The following WDR70 variants were observed in gnomAD, a reference collection of about 807,000 sequenced individuals.
WDR70 encodes the protein WD repeat domain 70, also known as WD repeat-containing protein 70.
In WDR70, 53 loss-of-function variants were observed where a neutral mutation model predicts 88.6. The observed-to-expected ratio is 0.60, with a 90% CI of 0.48 to 0.75. The LOEUF (loss-of-function observed/expected upper bound fraction) is 0.75, where lower values mean the gene tolerates loss of function less well. Ranked by LOEUF, WDR70 falls within the 30% of genes least tolerant of loss-of-function variation. The pLI is 0.00. For missense variants in WDR70, 610 were observed against 823.2 expected, an observed-to-expected ratio of 0.74 and a Z score of 3.17; for synonymous variants, 280 against 270.0, an observed-to-expected ratio of 1.04 and a Z score of -0.36.
intron 14 of WDR70, chr5:37,721,856 T>G (rs1270884158): frequency 6.6e-6 from 1 of 152,276 alleles, no homozygotes; most frequent in Non-Finnish European, 1.5e-5. Context: ...TTCTCTCTCT[T>G]AAAGTACAGT....
At chr5:37,485,903 C>T (rs375458410) in intron 8 of WDR70, among the ~76,000 whole-genome samples, 9 of 132,700 alleles carry the variant, frequency 6.8e-5, no homozygotes, top group Middle Eastern at 5.3e-3. Context: ...TTAGTAGAGA[C>T]GGGGTTTCAC....
At chr5:37,609,468 G>GT (rs1744127063) in intron 10 of WDR70, among the ~76,000 whole-genome samples, 1 of 152,166 alleles carries the variant, frequency 6.6e-6, no homozygotes, top group Admixed American at 6.5e-5. Context: ...AACATACTGT[G>GT]TTTTCTTATC....
intron 13 of WDR70, among the ~76,000 whole-genome samples, chr5:37,712,816 C>T (rs1581520076): frequency 6.6e-6 from 1 of 152,192 alleles, no homozygotes; most frequent in East Asian, 1.9e-4. Context: ...ATTCTTGTGC[C>T]TCAGCCTCTC....
chr5:37,503,528 T>C (rs1740466436), intron 8 of WDR70, among the ~76,000 whole-genome samples: 1 of 152,166 alleles, frequency 6.6e-6, no homozygotes. Context: ...TATTTGGTCT[T>C]TTGTTTCTGT....
At chr5:37,636,844 C>G (rs961781479) in intron 10 of WDR70, among the ~76,000 whole-genome samples, 3 of 151,448 alleles carry the variant, frequency 2.0e-5, no homozygotes, top group Admixed American at 1.3e-4. Context: ...TTGATGTGGA[C>G]TAGAAAAAAA....
At chr5:37,536,816 A>G (rs929464555) in intron 9 of WDR70, among the ~76,000 whole-genome samples, 1 of 152,122 alleles carries the variant, frequency 6.6e-6, no homozygotes, top group South Asian at 2.1e-4. Flanking sequence ...TTTATTTACA[A>G]TTTCAATTTT....
chr5:37,503,752 T>C (rs1283222711), intron 8 of WDR70, among the ~76,000 whole-genome samples: 1 of 150,804 alleles, frequency 6.6e-6, no homozygotes, highest in African/African-American at 2.5e-5. Flanking sequence ...CTGAGTTTTG[T>C]TTTTTTTTTC....
intron 7 of WDR70, among the ~76,000 whole-genome samples, chr5:37,444,928 G>A (rs1738410139): frequency 6.6e-6 from 1 of 152,112 alleles, no homozygotes; most frequent in African/African-American, 2.4e-5. Flanking sequence ...GTACTCCTAT[G>A]AGAATCGAAT....
At chr5:37,591,530 C>T (rs1306320851) in intron 9 of WDR70, among the ~76,000 whole-genome samples, 1 of 152,168 alleles carries the variant, frequency 6.6e-6, no homozygotes, top group Non-Finnish European at 1.5e-5. Flanking sequence ...TATTCCTGTC[C>T]TGTGTAAAAG....
At chr5:37,687,055 A>G (rs776831213) in intron 10 of WDR70, among the ~76,000 whole-genome samples, 2 of 152,106 alleles carry the variant, frequency 1.3e-5, no homozygotes, top group Non-Finnish European at 2.9e-5. Flanking sequence ...TAGGATGATT[A>G]TAACAGCAGT....
At chr5:37,421,091 C>A (rs140799295) in intron 5 of WDR70, among the ~76,000 whole-genome samples, 6 of 152,154 alleles carry the variant, frequency 3.9e-5, no homozygotes, top group Non-Finnish European at 5.9e-5. Context: ...CATCCCCTTT[C>A]GACAGGTGAG....
chr5:37,521,843 C>T (rs1180305787), intron 9 of WDR70, among the ~76,000 whole-genome samples: 2 of 152,032 alleles, frequency 1.3e-5, no homozygotes, highest in Non-Finnish European at 2.9e-5. Context: ...GTTCAAGTAT[C>T]TTTTTTGCAT....
chr5:37,630,095 C>T (rs1434281920), intron 10 of WDR70, among the ~76,000 whole-genome samples: 1 of 152,142 alleles, frequency 6.6e-6, no homozygotes, highest in Non-Finnish European at 1.5e-5. Flanking sequence ...TTTGTGGTGA[C>T]AGTAGTGCAG....
chr5:37,446,209 A>G (rs1214150125), intron 7 of WDR70, among the ~76,000 whole-genome samples: 1 of 152,210 alleles, frequency 6.6e-6, no homozygotes, highest in Non-Finnish European at 1.5e-5. Context: ...AGAGAATGAA[A>G]TACCTAGGAA....
At chr5:37,413,663 A>T (rs201512869) in intron 5 of WDR70, among the ~76,000 whole-genome samples, 11 of 147,676 alleles carry the variant, frequency 7.4e-5, no homozygotes, top group Admixed American at 5.5e-4. Flanking sequence ...CGGAGGTTGC[A>T]GTGAGCCGAG....
chr5:37,380,230 GTTTTC>G (rs1247427491), intron 2 of WDR70, among the ~76,000 whole-genome samples: 3 of 152,104 alleles, frequency 2.0e-5, no homozygotes, highest in Non-Finnish European at 2.9e-5. Context: ...AGGTCTTCTT[GTTTTC>G]TTTTGACCAG....
intron 7 of WDR70, among the ~76,000 whole-genome samples, chr5:37,453,078 G>T (rs1738723562): frequency 6.6e-6 from 1 of 152,160 alleles, no homozygotes; most frequent in Admixed American, 6.5e-5. Flanking sequence ...TATAAAAATT[G>T]AATTTTAAAA....
intron 8 of WDR70, among the ~76,000 whole-genome samples, chr5:37,502,219 T>A (rs1457918310): frequency 6.6e-6 from 1 of 152,206 alleles, no homozygotes; most frequent in Non-Finnish European, 1.5e-5. Context: ...AGGGATTGAT[T>A]TGAGAATCAG....
intron 9 of WDR70, among the ~76,000 whole-genome samples, chr5:37,594,205 T>A (rs1470529565): frequency 2.0e-5 from 3 of 152,232 alleles, no homozygotes; most frequent in Non-Finnish European, 4.4e-5. Flanking sequence ...GTTTTAGTCA[T>A]GAAGTCCTTG....
Sources: allele counts gnomAD v4.1 joint callset (sites outside exome capture counted in the v4.1 genomes callset), GRCh38; gene constraint gnomAD v4.1.1; transcripts MANE v1.5; gene names NCBI Gene and HGNC (gene_info 2026-07-23, HGNC 2026-07-21).